RTN4: variants seen among roughly 807,000 people sequenced by gnomAD.
The protein encoded by RTN4 is reticulon 4.
A neutral mutation model predicts 90.4 loss-of-function variants in RTN4; 32 were observed. That is an observed-to-expected ratio of 0.35 (90% CI 0.27 to 0.48). The LOEUF is 0.48. Among genes scored for constraint, RTN4 ranks in the 20% least tolerant of loss-of-function variants. The probability of loss-of-function intolerance (pLI) is 0.99; values close to 1 mark genes in which losing one functional copy is unlikely to be tolerated. For synonymous variants in RTN4, 629 were observed against 552.5 expected, an observed-to-expected ratio of 1.14 and a Z score of -1.94; for missense variants, 1,706 against 1,430.2, an observed-to-expected ratio of 1.19 and a Z score of -3.11.
intron 2 of RTN4, among the ~76,000 whole-genome samples, chr2:55,068,974 C>T (rs1332633504): frequency 6.6e-6 from 1 of 152,200 alleles, no homozygotes; most frequent in Non-Finnish European, 1.5e-5. Flanking sequence ...TTGATTTGTG[C>T]CAAGGCACCC....
At chr2:55,088,339 G>T (rs1668880593) in intron 1 of RTN4, among the ~76,000 whole-genome samples, 1 of 152,206 alleles carries the variant, frequency 6.6e-6, no homozygotes, top group South Asian at 2.1e-4. Flanking sequence ...GAGATACATA[G>T]TTTGTTTATT....
chr2:55,123,478 T>A, the RTN4 span, among the ~76,000 whole-genome samples: 1 of 152,084 alleles, frequency 6.6e-6, no homozygotes, highest in East Asian at 1.9e-4. Context: ...TTAAAAACTA[T>A]CAAAAATTAT....
At chr2:55,050,496 C>G (rs781197861), upstream of RTN4, 8 of 408,974 alleles carry the variant, frequency 2.0e-5, no homozygotes, top group Non-Finnish European at 3.0e-5. This position sits in a 1 kb window ranked among gnomAD's most constrained non-coding sequence, Gnocchi z 4.6. Flanking sequence ...GCCACCCGCC[C>G]TGTCCCCACT....
rs184017346 is a variant in RTN4, at chr2:55,097,570, G to A, written c.-214+14950C>T. Among the ~76,000 whole-genome samples the A allele has an allele frequency of 3.2e-4, 49 of 152,250 alleles. No homozygotes were observed. In the East Asian group the frequency reaches 9.1e-3, roughly 28 times the overall value. On this transcript the variant is annotated intron_variant, in intron 1 of 3. Transcript: ENST00000427710. ...ACCAAGGAGACAGCAGTGGGGGAAGGAGGAGGGGCAGCTTCAGGAGGCCTC... is the reference window on the plus strand; with the variant it reads ...ACCAAGGAGACAGCAGTGGGGGAAGAAGGAGGGGCAGCTTCAGGAGGCCTC...
chr2:55,065,754 TA>T (rs11351020), intron 2 of RTN4, among the ~76,000 whole-genome samples: 133,242 of 151,204 alleles, frequency 0.88, 58,798 homozygotes, highest in African/African-American at 0.94. Context: ...GGCTAGATAA[TA>T]AAAAAAAAAC....
rs1439359849 is a variant in RTN4 at position 55,049,761 on chromosome 2, G to A, written c.540C>T (p.Gly180=). The stretch of plus-strand genomic sequence containing the variant: ...GGCACTCACCCACTGAGCCCGAGGA[G>A]CCCCTGCGCTTGGGCGCGGCCGGGG... ...PSTPAAPKRR[G]SSGSVDETLF... is the part of the protein sequence containing the mutation. The change falls in exon 1 of 9, where the codon GGC becomes GGT. Residue 180 remains glycine, a synonymous_variant. Coordinates refer to ENST00000337526, the MANE Select transcript of RTN4 (RefSeq NM_020532.5). The A allele has an allele frequency of 7.5e-6, 10 of 1,335,834 alleles. No individual in the cohort carries two copies. Among genetic ancestry groups the A allele is most frequent in the Non-Finnish European group, 9.6e-6 (10 of 1,043,844 alleles). The allele number at this position is 1,335,834 out of a possible 1,614,324, so 82.7% of individuals were successfully genotyped here. A position where few individuals can be genotyped will look rare whatever the true frequency, so the allele number is the denominator to read the frequency against.
Position 55,050,332 on chromosome 2 carries a change from T to TGCC in RTN4, c.-35_-33dup, listed in dbSNP as rs757006897. 4.3e-5 allele frequency: 56 copies of TGCC among 1,313,970 alleles called. No homozygotes were observed. The highest frequency in any genetic ancestry group is 5.0e-5 in the Non-Finnish European group (51 of 1,014,282). 81.4% of individuals were successfully genotyped at this position (1,313,970 alleles called of 1,614,324 possible). On this transcript the variant is annotated 5_prime_UTR_variant, in exon 1 of 9. Coordinates refer to ENST00000337526, the MANE Select transcript of RTN4 (RefSeq NM_020532.5). This position sits in a 1 kb window ranked among gnomAD's most constrained non-coding sequence, Gnocchi z 4.6. ...AGGGTGGAGATGATGCTGCAGCTGC[T>TGCC]GCCGCCGCCGCCGGGGCCGCGTCTC...
intron 4 of RTN4, among the ~76,000 whole-genome samples, chr2:54,983,091 A>C (rs950766235): frequency 1.3e-5 from 2 of 151,250 alleles, no homozygotes; most frequent in African/African-American, 4.9e-5. Flanking sequence ...TAAAGTTGAC[A>C]CTATGTTGTC....
intron 5 of RTN4, among the ~76,000 whole-genome samples, chr2:54,980,601 T>TA (rs1678039579): frequency 6.6e-6 from 1 of 152,214 alleles, no homozygotes; most frequent in Non-Finnish European, 1.5e-5. Context: ...GGTGTATCTC[T>TA]GTTGCCGTGT....
At chr2:55,054,948 A>G (rs958313731), upstream of RTN4, among the ~76,000 whole-genome samples, 2 of 152,156 alleles carry the variant, frequency 1.3e-5, no homozygotes, top group East Asian at 1.9e-4. Flanking sequence ...CCATTCTGTA[A>G]TAAGAATAGA....
intron 1 of RTN4, among the ~76,000 whole-genome samples, chr2:55,101,870 C>T (rs764668757): frequency 6.6e-6 from 1 of 152,128 alleles, no homozygotes; most frequent in African/African-American, 2.4e-5. Context: ...TATATTTCAT[C>T]AGCACATTCA....
intron 3 of RTN4, among the ~76,000 whole-genome samples, chr2:55,009,097 A>G (rs1353642785): frequency 1.3e-5 from 2 of 152,190 alleles, no homozygotes; most frequent in African/African-American, 4.8e-5. Context: ...AAATTTTTAA[A>G]AAGACATTGT....
At chr2:55,102,926 C>T (rs1470288176) in intron 1 of RTN4, among the ~76,000 whole-genome samples, 2 of 151,862 alleles carry the variant, frequency 1.3e-5, no homozygotes, top group Admixed American at 1.3e-4. Flanking sequence ...TGAGACCAGC[C>T]TGACCAATGT....
chr2:55,131,362 C>T, the RTN4 span, among the ~76,000 whole-genome samples: 1 of 151,998 alleles, frequency 6.6e-6, no homozygotes, highest in Non-Finnish European at 1.5e-5. Flanking sequence ...GCATGCACCA[C>T]CATACCCAGC....
rs546757710 is a variant in RTN4, at chr2:55,092,111, G to A, written c.-213-11472C>T. Among the ~76,000 whole-genome samples, 3 of 151,698 alleles carry A rather than the reference G, an allele frequency of 2.0e-5. No homozygotes were observed. In the South Asian group the frequency reaches 6.2e-4, roughly 32 times the overall value. On this transcript the variant is annotated intron_variant, in intron 1 of 3. Transcript: ENST00000427710. ...AGGTTGAGGTGGGAAGATTGCTTGAGTCCAGGAGTTTGAGGCTGCAGTGAG... is the reference window on the plus strand; with the variant it reads ...AGGTTGAGGTGGGAAGATTGCTTGAATCCAGGAGTTTGAGGCTGCAGTGAG...
the RTN4 span, among the ~76,000 whole-genome samples, chr2:55,131,255 C>T: frequency 1.3e-5 from 2 of 151,680 alleles, no homozygotes; most frequent in South Asian, 4.1e-4. Flanking sequence ...TTCACCCAGG[C>T]TGGAGTGCAG....
chr2:55,069,642 C>T (rs1017298582), intron 2 of RTN4, among the ~76,000 whole-genome samples: 2 of 152,200 alleles, frequency 1.3e-5, no homozygotes, highest in Non-Finnish European at 2.9e-5. Flanking sequence ...TCTGCCTCCT[C>T]CACCCAAGCA....
upstream of RTN4, among the ~76,000 whole-genome samples, chr2:55,053,426 C>G (rs1472695628): frequency 4.6e-5 from 7 of 152,186 alleles, no homozygotes; most frequent in Non-Finnish European, 7.4e-5. Flanking sequence ...GTGACTCATG[C>G]CTATAATCCC....
the RTN4 span, among the ~76,000 whole-genome samples, chr2:55,125,572 C>G: frequency 1.3e-5 from 2 of 152,090 alleles, no homozygotes; most frequent in East Asian, 3.9e-4. Context: ...TCGAGACCAG[C>G]CTGGCCAACG....
Sources: allele counts gnomAD v4.1 joint callset (sites outside exome capture counted in the v4.1 genomes callset), GRCh38; gene constraint gnomAD v4.1.1; non-coding constraint Gnocchi (gnomAD v3.1); transcripts MANE v1.5; gene names NCBI Gene and HGNC (gene_info 2026-07-23, HGNC 2026-07-21).